The following BMPER variants were observed in gnomAD, a reference collection of about 807,000 sequenced individuals.
BMPER encodes BMP binding endothelial regulator.
A neutral mutation model predicts 87.3 loss-of-function variants in BMPER; 45 were observed. That is an observed-to-expected ratio of 0.52 (90% CI 0.41 to 0.66). The LOEUF is 0.66. Ranked by LOEUF, BMPER falls within the 30% of genes least tolerant of loss-of-function variation. BMPER has a pLI of 0.00. For missense variants in BMPER, 784 were observed against 867.5 expected, an observed-to-expected ratio of 0.90 and a Z score of 1.21; for synonymous variants, 326 against 316.2, an observed-to-expected ratio of 1.03 and a Z score of -0.33.
At chr7:33,914,046 C>T (rs897167508) in intron 2 of BMPER, among the ~76,000 whole-genome samples, 1 of 151,308 alleles carries the variant, frequency 6.6e-6, no homozygotes, top group Admixed American at 6.6e-5. Flanking sequence ...ACTGCAAGCT[C>T]CGCCTCCCGG....
chr7:33,911,336 C>T (rs746318597), intron 2 of BMPER, among the ~76,000 whole-genome samples: 6 of 152,224 alleles, frequency 3.9e-5, no homozygotes, highest in Non-Finnish European at 5.9e-5. Flanking sequence ...CGTGAGATCA[C>T]ACAGTTACTA....
At chr7:34,095,127 A>C (rs1789494796) in intron 13 of BMPER, among the ~76,000 whole-genome samples, 1 of 152,338 alleles carries the variant, frequency 6.6e-6, no homozygotes, top group African/African-American at 2.4e-5. Flanking sequence ...CTGAAGGGGA[A>C]GGTGCAGAAA....
At chr7:34,071,632 T>A (rs12666068) in intron 11 of BMPER, among the ~76,000 whole-genome samples, 57,169 of 146,560 alleles carry the variant, frequency 0.39, 11,956 homozygotes, top group African/African-American at 0.56. Context: ...TTAAGGTCGG[T>A]TCTTGGATAG....
chr7:33,966,436 C>T (rs1291537631), intron 3 of BMPER, 43 bp from the exon 4 acceptor site: 4 of 1,529,400 alleles, frequency 2.6e-6, no homozygotes, highest in Non-Finnish European at 3.6e-6. Context: ...GAAACCCATA[C>T]CCATTCTTGG....
rs183988622 is a variant in BMPER at position 33,995,574 on chromosome 7, C to T, written c.576+20790C>T. Among the ~76,000 whole-genome samples, 310 of 152,198 alleles carry T rather than the reference C, an allele frequency of 2.0e-3. 1 individual carries two copies. The highest frequency in any genetic ancestry group is 7.3e-3 in the African/African-American group (304 of 41,524). Reference sequence around the variant, plus strand: ...GGCATTCCAGTAGCATGGTATGCCTCCACATTAGCATAAAACCAGGCCATG... The same window carrying T: ...GGCATTCCAGTAGCATGGTATGCCTTCACATTAGCATAAAACCAGGCCATG... On this transcript the variant is annotated intron_variant, in intron 6 of 14. Coordinates refer to ENST00000649409, the MANE Select transcript of BMPER (RefSeq NM_001365308.1).
Position 34,079,304 on chromosome 7 carries a change from C to T in BMPER, c.1408+118C>T, listed in dbSNP as rs1443387785. ...TCCTCCTCCGAGCAAAAACCCAAGG[C>T]AGAGCCAGGTTCCAACTGCGGGACT... On this transcript the variant is annotated intron_variant, in intron 12 of 14. Transcript: ENST00000649409. 3.0e-6 allele frequency: 4 copies of T among 1,352,320 alleles called. No individual in the cohort carries two copies. The East Asian group carries it at 7.3e-5, about 25-fold the overall frequency. The allele number at this position is 1,352,320 out of a possible 1,614,324, so 83.8% of individuals were successfully genotyped here.
At position 34,095,311 on chromosome 7, in the gene BMPER, C is replaced by A. The variant is rs1447748799; in HGVS notation, c.1745+9219C>A. ...AGAAGAAATACATGACAAATTTTAA[C>A]TTTTTTCATGCTCATCTTCCTTGCC... On this transcript the variant is annotated intron_variant, in intron 13 of 14. Transcript: ENST00000649409. Among the ~76,000 whole-genome samples the A allele has an allele frequency of 3.9e-5, 6 of 152,076 alleles. No homozygotes were observed. The East Asian group carries it at 1.2e-3, about 29-fold the overall frequency.
chr7:34,048,180 C>T (rs1218733040), intron 7 of BMPER, among the ~76,000 whole-genome samples: 2 of 151,948 alleles, frequency 1.3e-5, no homozygotes, highest in Admixed American at 1.3e-4. Context: ...TTCTCGTTCC[C>T]AAATTAGCAC....
intron 6 of BMPER, among the ~76,000 whole-genome samples, chr7:34,020,383 T>G (rs116675775): frequency 6.6e-6 from 1 of 151,916 alleles, no homozygotes; most frequent in African/African-American, 2.4e-5. Context: ...AGTTACAGAT[T>G]TGGGAGATCT....
At chr7:34,029,729 A>G (rs1326861325) in intron 6 of BMPER, among the ~76,000 whole-genome samples, 1 of 152,076 alleles carries the variant, frequency 6.6e-6, no homozygotes, top group Non-Finnish European at 1.5e-5. Flanking sequence ...TAAGGGGCAA[A>G]GTTTGCTAGG....
chr7:34,066,022 TG>T (rs1443219255), intron 11 of BMPER, among the ~76,000 whole-genome samples: 2 of 152,222 alleles, frequency 1.3e-5, no homozygotes, highest in Non-Finnish European at 2.9e-5. Context: ...CCAGCAGTAG[TG>T]GCATTACATT....
intron 11 of BMPER, 96 bp downstream of exon 11, chr7:34,062,143 T>C: frequency 7.7e-6 from 9 of 1,172,558 alleles, no homozygotes; most frequent in Non-Finnish European, 8.7e-6. Context: ...ACACATTTTA[T>C]TTTTGTAGGT....
intron 12 of BMPER, among the ~76,000 whole-genome samples, chr7:34,085,075 G>A (rs147622172): frequency 1.5e-4 from 23 of 152,266 alleles, no homozygotes; most frequent in African/African-American, 4.8e-4. Context: ...CAGAACGGAG[G>A]CCTGAGGGAT....
At chr7:34,039,480 C>T (rs1787773557) in intron 6 of BMPER, among the ~76,000 whole-genome samples, 1 of 151,974 alleles carries the variant, frequency 6.6e-6, no homozygotes, top group African/African-American at 2.4e-5. Context: ...CAGGTAGAGG[C>T]CAGGGATGCT....
At chr7:34,047,103 G>T (rs1329957696) in intron 7 of BMPER, among the ~76,000 whole-genome samples, 1 of 152,016 alleles carries the variant, frequency 6.6e-6, no homozygotes, top group African/African-American at 2.4e-5. Flanking sequence ...CCACAAATCT[G>T]TGTGATTCCT....
chr7:34,107,291 A>C (rs972258615), intron 13 of BMPER, among the ~76,000 whole-genome samples: 5 of 152,248 alleles, frequency 3.3e-5, no homozygotes, highest in Non-Finnish European at 7.3e-5. Flanking sequence ...TTTAGCATAC[A>C]GAAACTATGG....
intron 13 of BMPER, among the ~76,000 whole-genome samples, chr7:34,136,436 C>T (rs1036254836): frequency 3.9e-5 from 6 of 152,112 alleles, no homozygotes; most frequent in Non-Finnish European, 7.3e-5. Flanking sequence ...TAGTTGTCTC[C>T]ATGCAACTCA....
chr7:34,102,163 C>T (rs941866593), intron 13 of BMPER, among the ~76,000 whole-genome samples: 22 of 151,420 alleles, frequency 1.5e-4, no homozygotes, highest in African/African-American at 5.1e-4. Flanking sequence ...TTTGCCACAT[C>T]TTCCTCTGCA....
chr7:34,036,987 C>A (rs1373859336), intron 6 of BMPER, among the ~76,000 whole-genome samples: 1 of 152,130 alleles, frequency 6.6e-6, no homozygotes, highest in Non-Finnish European at 1.5e-5. Context: ...AAGATGAGGC[C>A]AATTTTACCT....
Sources: allele counts gnomAD v4.1 joint callset (sites outside exome capture counted in the v4.1 genomes callset), GRCh38; gene constraint gnomAD v4.1.1; transcripts MANE v1.5; gene names NCBI Gene and HGNC (gene_info 2026-07-23, HGNC 2026-07-21).